The following TAF1 variants were observed in gnomAD, a reference collection of about 807,000 sequenced individuals.
TAF1 encodes TATA-box binding protein associated factor 1.
Under a neutral mutation model 138.5 loss-of-function variants are expected in TAF1, and 2 were observed. That is an observed-to-expected ratio of 0.01 (90% confidence interval 0.01 to 0.05). The LOEUF is 0.05. Among genes scored for constraint, TAF1 ranks in the 10% least tolerant of loss-of-function variants. The probability of loss-of-function intolerance (pLI) is 1.00; values close to 1 mark genes in which losing one functional copy is unlikely to be tolerated. For synonymous variants in TAF1, 437 were observed against 503.2 expected, an observed-to-expected ratio of 0.87 and a Z score of 1.76; for missense variants, 709 against 1,478.0, an observed-to-expected ratio of 0.48 and a Z score of 8.53.
intron 18 of TAF1, among the ~76,000 whole-genome samples, chrX:71,391,730 C>T (rs1859076549): frequency 9.3e-6 from 1 of 106,991 alleles, no homozygotes. Context: ...GGGTTCAAGC[C>T]ATTCTCGTGC....
chrX:71,432,536 C>G (rs1367896976), intron 32 of TAF1, among the ~76,000 whole-genome samples: 1 of 105,035 alleles, frequency 9.5e-6, no homozygotes, highest in Non-Finnish European at 1.9e-5. Context: ...TGGCACAGTT[C>G]TGTAATTTTT....
Position 71,518,224 on chromosome X carries a change from C to T in TAF1, c.1367-10318C>T, listed in dbSNP as rs184815262. Among the ~76,000 whole-genome samples, 17 of 112,477 alleles carry T rather than the reference C, an allele frequency of 1.5e-4. No individual in the cohort carries two copies. The East Asian group carries it at 2.2e-3, about 15-fold the overall frequency. On this transcript the variant is annotated intron_variant and NMD_transcript_variant, in intron 13 of 14. Coordinates refer to the TAF1 transcript ENST00000373775. The stretch of plus-strand genomic sequence containing the variant: ...TTGCTCTATTGCCCAGGCTGGAGTG[C>T]GGTGGCATGAACTTGGCTCACTGCA...
At chrX:71,516,109 G>A (rs1441282685) in intron 13 of TAF1, among the ~76,000 whole-genome samples, 4 of 109,676 alleles carry the variant, frequency 3.6e-5, no homozygotes, top group East Asian at 2.8e-4. Flanking sequence ...TCATCCAGGC[G>A]GAAGTGCAAC....
rs145063030 is a variant in TAF1 at position 71,527,012 on chromosome X, G to A, written c.1367-1530G>A. On this transcript the variant is annotated intron_variant and NMD_transcript_variant, in intron 13 of 14. Transcript: ENST00000373775. ...CTCCTACCACACACCACCATGCCCT[G>A]TGATCATGCTACTGCACTCCAGCCT... is the stretch of plus-strand genomic sequence containing the variant. Among the ~76,000 whole-genome samples the A allele has an allele frequency of 5.9e-3, 642 of 108,393 alleles. 3 individuals carry two copies. Among genetic ancestry groups the A allele is most frequent in the African/African-American group, 0.021 (623 of 29,676 alleles). The allele number at this position is 108,393 out of a possible 115,157, so 94.1% of individuals were successfully genotyped here.
chrX:71,368,566 C>G (rs1450285111), intron 3 of TAF1: 1 of 119,856 alleles, frequency 8.3e-6, no homozygotes, highest in Non-Finnish European at 1.7e-5. Context: ...AAGCAATGAA[C>G]TAAGGCAGGA....
chrX:71,423,303 G>A, intron 30 of TAF1, 64 bp downstream of exon 30: 7 of 1,192,813 alleles, frequency 5.9e-6, no homozygotes, highest in Non-Finnish European at 7.9e-6. Flanking sequence ...TGTTTAGGGT[G>A]TACACGTGTG....
chrX:71,469,456 G>A (rs144458336), downstream of TAF1, among the ~76,000 whole-genome samples: 378 of 110,344 alleles, frequency 3.4e-3, 1 homozygote, highest in South Asian at 0.012. Context: ...CACTTTGAGC[G>A]GCCGAGGAGG....
chrX:71,384,982 A>G lies in TAF1; in HGVS notation c.2159A>G (p.Tyr720Cys), dbSNP rs1211813395. Residue 720 changes from tyrosine (Y) to cysteine (C), a missense_variant, in exon 14 of 38, where the codon TAT (tyrosine) becomes TGT (cysteine). Around this residue, in one of 14 missense-constraint regions of TAF1, gnomAD observed 201 missense variants for 421.3 expected, o/e 0.48. Transcript: ENST00000423759. ...GKDPGAPDCK[Y>C]GETVYCHTSP... The stretch of plus-strand genomic sequence containing the variant: ...GATCCTGGAGCACCAGATTGTAAAT[A>G]TGGGGAAACTGTTTACTGCCATACA... The G allele has an allele frequency of 2.5e-6, 3 of 1,208,882 alleles. No individual in the cohort carries two copies. The African/African-American group carries it at 5.3e-5, about 21-fold the overall frequency.
chrX:71,397,120 G>A (rs1336339250), intron 22 of TAF1, 133 bp from the exon 23 acceptor site: 14 of 650,498 alleles, frequency 2.2e-5, no homozygotes, highest in Non-Finnish European at 2.8e-5. Context: ...TGGGGCTGAT[G>A]ATGACTTTGA....
At chrX:71,528,253 GC>G in intron 13 of TAF1, 1 of 242,449 alleles carries the variant, frequency 4.1e-6, no homozygotes. Flanking sequence ...GTGTATGATT[GC>G]CCCCAGCACC....
intron 13 of TAF1, among the ~76,000 whole-genome samples, chrX:71,475,931 G>T (rs767296402): frequency 2.7e-5 from 3 of 110,674 alleles, no homozygotes; most frequent in Admixed American, 1.9e-4. Context: ...TTGTTTGAAA[G>T]AATGTGGCAC....
At chrX:71,504,680 T>G (rs1436095339) in intron 13 of TAF1, among the ~76,000 whole-genome samples, 1 of 89,331 alleles carries the variant, frequency 1.1e-5, no homozygotes, top group Non-Finnish European at 2.1e-5. Flanking sequence ...AATTCAAGGT[T>G]GCAGTGAGCT....
At chrX:71,476,172 A>G (rs1218973250) in intron 13 of TAF1, among the ~76,000 whole-genome samples, 1 of 112,139 alleles carries the variant, frequency 8.9e-6, no homozygotes, top group East Asian at 2.8e-4. Flanking sequence ...AGATGAAAAG[A>G]TATCTTAAAT....
chrX:71,420,399 A>G, intron 28 of TAF1: 1 of 1,210,354 alleles, frequency 8.3e-7, no homozygotes, highest in Non-Finnish European at 1.1e-6. Flanking sequence ...GAGTATGGTA[A>G]CACGGTTGAC....
intron 9 of TAF1, among the ~76,000 whole-genome samples, chrX:71,382,134 A>T (rs968503347): frequency 3.6e-5 from 4 of 112,131 alleles, no homozygotes; most frequent in Admixed American, 9.5e-5. Flanking sequence ...CAACTTTGAG[A>T]TGTCAAGAGC....
intron 13 of TAF1, among the ~76,000 whole-genome samples, chrX:71,496,181 A>G (rs1034565494): frequency 8.9e-6 from 1 of 112,459 alleles, no homozygotes; most frequent in African/African-American, 3.2e-5. Context: ...AGGAGGAACC[A>G]TCTATTGTCC....
chrX:71,513,877 A>C (rs1388407488), intron 13 of TAF1, among the ~76,000 whole-genome samples: 1 of 111,251 alleles, frequency 9.0e-6, no homozygotes, highest in African/African-American at 3.3e-5. Flanking sequence ...TGCACCAATC[A>C]GCGCTCTGTG....
rs2038444770 is a variant in TAF1, at chrX:71,459,325, G to T, written c.5065-227G>T. On this transcript the variant is annotated intron_variant, in intron 35 of 37. Transcript: ENST00000423759. The stretch of plus-strand genomic sequence containing the variant: ...TAGGAGCCCCATCAGTACAGGCCAG[G>T]CCAAATCCTAAGATGATATCAGGGG... 9.4e-6 allele frequency: 10 copies of T among 1,064,746 alleles called. No individual in the cohort carries two copies. The Admixed American group carries it at 2.7e-4, about 29-fold the overall frequency. The allele number at this position is 1,064,746 out of a possible 1,213,427, so 87.7% of individuals were successfully genotyped here.
intron 13 of TAF1, among the ~76,000 whole-genome samples, chrX:71,472,073 G>C (rs1305868296): frequency 9.0e-6 from 1 of 111,719 alleles, no homozygotes; most frequent in Admixed American, 9.5e-5. Context: ...AACGGCCTTA[G>C]GTTCCCTACC....
Sources: gnomAD v4.1 joint callset for allele counts (sites outside exome capture counted in the v4.1 genomes callset) on GRCh38, gnomAD v4.1.1 for gene constraint, gnomAD v4.1.1 regional missense constraint, MANE v1.5 for transcripts, NCBI Gene and HGNC (gene_info 2026-07-23, HGNC 2026-07-21) for gene names.